The following ENPP2 variants were observed in gnomAD, a reference collection of about 807,000 sequenced individuals.
ENPP2 encodes autotaxin.
ENPP2 carries 51 observed loss-of-function variants against 120.2 expected under a neutral mutation model. The observed-to-expected ratio is 0.42, with a 90% CI of 0.34 to 0.54. The LOEUF (loss-of-function observed/expected upper bound fraction) is 0.54. Ranked by LOEUF, ENPP2 falls within the 20% of genes least tolerant of loss-of-function variation. The probability of loss-of-function intolerance (pLI) is 0.04; values close to 1 mark genes in which losing one functional copy is unlikely to be tolerated. For missense variants in ENPP2, 920 were observed against 1,066.5 expected (o/e 0.86, Z 1.91); for synonymous variants, 365 against 366.4 (o/e 1.00, Z 0.04).
chr8:119,620,910 C>G (rs1378398321), intron 4 of ENPP2, among the ~76,000 whole-genome samples: 2 of 152,138 alleles, frequency 1.3e-5, no homozygotes, highest in Non-Finnish European at 2.9e-5. Flanking sequence ...AGCCCTGGTT[C>G]CTTGCCTCAA....
intron 1 of ENPP2, among the ~76,000 whole-genome samples, chr8:119,672,306 A>G (rs1456642577): frequency 1.3e-5 from 2 of 152,220 alleles, no homozygotes; most frequent in African/African-American, 4.8e-5. Context: ...GGAACTGGGT[A>G]TGTGATAAAT....
intron 19 of ENPP2, chr8:119,572,539 A>C (rs1815090476): frequency 2.9e-6 from 1 of 344,436 alleles, no homozygotes. Context: ...ACAAAGGCTA[A>C]TGTATTTGCA....
chr8:119,572,364 G>T (rs961358560), intron 19 of ENPP2: 1 of 776,818 alleles, frequency 1.3e-6, no homozygotes, highest in East Asian at 2.7e-5. Flanking sequence ...GCATCTAATC[G>T]ATTCCATTAG....
chr8:119,631,955 G>C (rs1353725223), intron 2 of ENPP2, among the ~76,000 whole-genome samples: 1 of 152,172 alleles, frequency 6.6e-6, no homozygotes, highest in Non-Finnish European at 1.5e-5. Flanking sequence ...AGCAGAAGGA[G>C]AACGATGTTA....
chr8:119,577,033 T>C (rs532959231), intron 19 of ENPP2, among the ~76,000 whole-genome samples: 1 of 152,344 alleles, frequency 6.6e-6, no homozygotes, highest in South Asian at 2.1e-4. Flanking sequence ...CGTTTCACTA[T>C]TGGAACATGC....
intron 2 of ENPP2, 41 bp downstream of exon 2, chr8:119,638,384 A>AT (rs1369491755): frequency 1.0e-6 from 1 of 994,556 alleles, no homozygotes. Context: ...CGTATGTAAT[A>AT]TTTTTAAAAA....
chr8:119,576,248 C>T (rs1326427908), intron 19 of ENPP2, among the ~76,000 whole-genome samples: 1 of 152,212 alleles, frequency 6.6e-6, no homozygotes, highest in Non-Finnish European at 1.5e-5. Flanking sequence ...AGCGATTCTC[C>T]TGCCCCAGTC....
At chr8:119,587,451 G>A (rs894045961) in intron 13 of ENPP2, among the ~76,000 whole-genome samples, 2 of 152,146 alleles carry the variant, frequency 1.3e-5, no homozygotes, top group African/African-American at 4.8e-5. Context: ...TGGGCATTTG[G>A]GGCTTTTAAT....
At chr8:119,611,916 C>A (rs1815136665) in intron 8 of ENPP2, among the ~76,000 whole-genome samples, 1 of 152,152 alleles carries the variant, frequency 6.6e-6, no homozygotes, top group African/African-American at 2.4e-5. Flanking sequence ...GTAATCCCAG[C>A]TACCCAGGAG....
At position 119,600,763 on chromosome 8, in the gene ENPP2, T is replaced by C; in HGVS notation, c.900-13A>G. The C allele has an allele frequency of 2.6e-6, 4 of 1,558,794 alleles. No homozygotes were observed. The highest frequency in any genetic ancestry group is 1.8e-6 in the Non-Finnish European group (2 of 1,129,946). ...ATAGACCGAAGGCCTATAAGAAAATTGGAAGGTTCAGAATCTCTCCTAAAC... is the reference window on the plus strand; with the variant it reads ...ATAGACCGAAGGCCTATAAGAAAATCGGAAGGTTCAGAATCTCTCCTAAAC... On this transcript the variant is annotated splice_polypyrimidine_tract_variant and intron_variant, in intron 10 of 24. Transcript: ENST00000075322.
upstream of ENPP2, chr8:119,638,967 G>A: frequency 1.5e-6 from 1 of 675,798 alleles, no homozygotes; most frequent in Admixed American, 2.5e-5. Context: ...CTGAGCCTAA[G>A]AGGCTTAAGC....
intron 1 of ENPP2, among the ~76,000 whole-genome samples, chr8:119,665,543 C>A (rs1343318760): frequency 6.6e-6 from 1 of 152,138 alleles, no homozygotes; most frequent in Non-Finnish European, 1.5e-5. Context: ...CACATTGATA[C>A]AAAGGCACTG....
chr8:119,639,621 C>A (rs975976015), upstream of ENPP2, among the ~76,000 whole-genome samples: 1 of 128,090 alleles, frequency 7.8e-6, no homozygotes, highest in Non-Finnish European at 1.7e-5. Flanking sequence ...GAGGAGGGGG[C>A]GGTTTTTGAG....
intron 24 of ENPP2, among the ~76,000 whole-genome samples, chr8:119,558,081 T>C (rs1479891936): frequency 1.3e-5 from 2 of 152,254 alleles, no homozygotes; most frequent in East Asian, 3.8e-4. Context: ...ACTTGGAATA[T>C]GCTTCTGCTT....
chr8:119,665,800 G>A (rs1818051703), intron 1 of ENPP2, among the ~76,000 whole-genome samples: 3 of 152,068 alleles, frequency 2.0e-5, no homozygotes, highest in Admixed American at 2.0e-4. Context: ...TGCTTTCTTA[G>A]TGACTCAATA....
intron 8 of ENPP2, 156 bp downstream of exon 8, chr8:119,616,109 C>T (rs1274214248): frequency 1.8e-6 from 1 of 567,596 alleles, no homozygotes; most frequent in Non-Finnish European, 3.1e-6. Flanking sequence ...ACACATATTT[C>T]ATGTTTGTAT....
intron 1 of ENPP2, among the ~76,000 whole-genome samples, chr8:119,655,360 A>G (rs1817739914): frequency 6.6e-6 from 1 of 152,200 alleles, no homozygotes; most frequent in African/African-American, 2.4e-5. Flanking sequence ...AGAATGCCGG[A>G]AGTTCTGGAC....
At chr8:119,638,690 A>G in intron 1 of ENPP2, 58 bp downstream of exon 1, 1 of 1,169,054 alleles carries the variant, frequency 8.6e-7, no homozygotes, top group Non-Finnish European at 1.3e-6. Context: ...GGAAAATGCC[A>G]ATCAGTCACT....
At chr8:119,627,879 T>C (rs1244282345) in intron 2 of ENPP2, among the ~76,000 whole-genome samples, 2 of 148,840 alleles carry the variant, frequency 1.3e-5, no homozygotes, top group African/African-American at 2.4e-5. Context: ...TATATATATA[T>C]ATATATATAT....
Sources: allele counts gnomAD v4.1 joint callset (sites outside exome capture counted in the v4.1 genomes callset), GRCh38; gene constraint gnomAD v4.1.1; transcripts MANE v1.5; gene names NCBI Gene and HGNC (gene_info 2026-07-23, HGNC 2026-07-21).